Variants in BCOR observed in about 807,000 individuals in gnomAD.
BCOR encodes the protein BCL-6 corepressor.
A neutral mutation model predicts 86.7 loss-of-function variants in BCOR; 10 were observed. The ratio of observed to expected loss-of-function variants is 0.12; its 90% CI spans 0.07 to 0.20. BCOR has a LOEUF of 0.20. Ranked by LOEUF, BCOR falls within the 10% of genes least tolerant of loss-of-function variation. The pLI, the probability that BCOR is intolerant of heterozygous loss-of-function variation, is 1.00. For synonymous variants in BCOR, 611 were observed against 609.0 expected, an observed-to-expected ratio of 1.00 and a Z score of -0.05; for missense variants, 1,259 against 1,452.1, an observed-to-expected ratio of 0.87 and a Z score of 2.16.
intron 1 of BCOR, among the ~76,000 whole-genome samples, chrX:40,165,231 G>A (rs766045678): frequency 9.8e-5 from 11 of 111,812 alleles, no homozygotes; most frequent in Non-Finnish European, 1.7e-4. Context: ...GGGAGCTACT[G>A]AGCAGACCAG....
intron 1 of BCOR, among the ~76,000 whole-genome samples, chrX:40,143,077 T>C (rs1191902659): frequency 1.8e-5 from 2 of 112,353 alleles, no homozygotes; most frequent in African/African-American, 3.2e-5. Context: ...GAGGAGGTTG[T>C]CCATTCTCAG....
At chrX:40,176,484 C>T (rs1453469374) in intron 1 of BCOR, among the ~76,000 whole-genome samples, 8 of 112,530 alleles carry the variant, frequency 7.1e-5, no homozygotes, top group Non-Finnish European at 1.3e-4. Flanking sequence ...AAAACAAGGC[C>T]GGCGACTACA....
intron 1 of BCOR, among the ~76,000 whole-genome samples, chrX:40,169,617 CAA>C (rs1938577184): frequency 9.1e-6 from 1 of 110,492 alleles, no homozygotes; most frequent in South Asian, 3.9e-4. Flanking sequence ...TAAAAAAAAA[CAA>C]AAACAAAAAC....
At chrX:40,164,785 C>A (rs749913119) in intron 1 of BCOR, among the ~76,000 whole-genome samples, 2 of 112,639 alleles carry the variant, frequency 1.8e-5, no homozygotes, top group Admixed American at 1.9e-4. Context: ...TAGCTTACTT[C>A]ATTTTCTTCC....
chrX:40,168,361 G>C (rs1485592649), intron 1 of BCOR, among the ~76,000 whole-genome samples: 4 of 112,748 alleles, frequency 3.5e-5, no homozygotes, highest in African/African-American at 1.3e-4. Flanking sequence ...TTTGTCTCTT[G>C]CCTCTGCCGG....
intron 1 of BCOR, among the ~76,000 whole-genome samples, chrX:40,170,091 A>G (rs35036498): frequency 5.6e-4 from 62 of 111,365 alleles, no homozygotes; most frequent in Non-Finnish European, 9.3e-4. Flanking sequence ...AGTTTTAACA[A>G]CTCCAGGCCT....
chrX:40,149,304 T>A (rs1223544484), intron 1 of BCOR, among the ~76,000 whole-genome samples: 3 of 111,340 alleles, frequency 2.7e-5, no homozygotes, highest in African/African-American at 9.8e-5. Flanking sequence ...CACATCCTCT[T>A]GTGCATGGAT....
rs771844232 is a variant in BCOR at position 40,054,030 on chromosome X, T to C, written c.4832A>G (p.Glu1611Gly). ...GTTGGCTAAAACATCATAGCCACTT[T>C]CATCATCTGGTTCTAATGGAGGGCA... ...YGSSVCEPDD[E>G]SGYDVLANPP... Residue 1611 changes from glutamate (E) to glycine (G), a missense_variant, in exon 14 of 15, where the codon GAA becomes GGA. Glu to Gly is a moderately conservative substitution (Grantham distance 98). Transcript: ENST00000378444. The C allele has an allele frequency of 2.5e-6, 3 of 1,211,459 alleles. No individual in the cohort carries two copies. The Admixed American group carries it at 6.5e-5, about 26-fold the overall frequency.
intron 8 of BCOR, 55 bp from the exon 9 acceptor site, chrX:40,063,126 C>A: frequency 2.2e-6 from 2 of 927,955 alleles, no homozygotes. Flanking sequence ...GGAGAAGAAG[C>A]GGGCGTTACA....
chrX:40,071,673 C>T lies in BCOR; in HGVS notation c.3015G>A (p.Glu1005=). The T allele has an allele frequency of 8.4e-7, 1 of 1,190,523 alleles. No individual in the cohort carries two copies. The highest frequency in any genetic ancestry group is 1.1e-6 in the Non-Finnish European group (1 of 876,749). ...QRALQMEGLQ[E]DSILCLPAAY... ...CAGCGGGTAGACATAAAATACTGTC[C>T]TCTTGTAATCCTTCCATCTATGTAA... is the stretch of plus-strand genomic sequence containing the variant. The change falls in exon 5 of 15, where the codon GAG becomes GAA. Residue 1005 remains glutamate, a synonymous_variant. Coordinates refer to ENST00000378444, the MANE Select transcript of BCOR (RefSeq NM_001123385.2).
rs1602151728 is a variant in BCOR, at chrX:40,073,623, T to C, written c.1723A>G (p.Asn575Asp). 1 of 1,212,062 alleles carries C rather than the reference T, an allele frequency of 8.3e-7. No individual in the cohort carries two copies. Residue 575 changes from asparagine to aspartate, a missense_variant, in exon 4 of 15, where the codon AAT becomes GAT. Coordinates refer to ENST00000378444, the MANE Select transcript of BCOR (RefSeq NM_001123385.2). ...GRPASASPAPNANADGTKTSR... is the reference protein window; with the variant it reads ...GRPASASPAPDANADGTKTSR... Reference sequence around the variant, plus strand: ...GTTTTGGTGCCATCTGCATTGGCATTGGGGGCGGGTGATGCGGAGGCTGGG... The same window carrying C: ...GTTTTGGTGCCATCTGCATTGGCATCGGGGGCGGGTGATGCGGAGGCTGGG...
Position 40,078,959 on chromosome X carries a change from T to C in BCOR, c.-40-990A>G, listed in dbSNP as rs185707469. Among the ~76,000 whole-genome samples the C allele has an allele frequency of 2.7e-5, 3 of 111,646 alleles. No homozygotes were observed. The Admixed American group carries it at 2.8e-4, about 11-fold the overall frequency. ...CGTGATTTATCCTCGTGCAGGATTT[T>C]AATTGCTCTTTGGAGGTTGAGCCGT... On this transcript the variant is annotated intron_variant, in intron 1 of 14. Coordinates refer to ENST00000378444, the MANE Select transcript of BCOR (RefSeq NM_001123385.2).
At chrX:40,105,476 C>T (rs1216846661) in intron 1 of BCOR, among the ~76,000 whole-genome samples, 1 of 112,444 alleles carries the variant, frequency 8.9e-6, no homozygotes, top group East Asian at 2.8e-4. Context: ...CACCCGGGCC[C>T]TGCGGTATCC....
chrX:40,102,402 G>A (rs1937088892), upstream of BCOR, among the ~76,000 whole-genome samples: 1 of 113,586 alleles, frequency 8.8e-6, no homozygotes, highest in African/African-American at 3.2e-5. Context: ...CATAATACAG[G>A]AGGCTTCTGG....
At chrX:40,126,533 A>AAAAAG (rs1199340209) in intron 1 of BCOR, among the ~76,000 whole-genome samples, 3 of 109,524 alleles carry the variant, frequency 2.7e-5, no homozygotes, top group Admixed American at 9.7e-5. Context: ...AAAAAAAAAA[A>AAAAAG]AAAAGAAAAG....
At chrX:40,159,392 G>C (rs1311305020) in intron 1 of BCOR, among the ~76,000 whole-genome samples, 1 of 113,089 alleles carries the variant, frequency 8.8e-6, no homozygotes, top group Admixed American at 9.3e-5. Flanking sequence ...TGTCGTCCAG[G>C]TTGGAGTGCA....
At chrX:40,125,548 C>G (rs780127057) in intron 1 of BCOR, among the ~76,000 whole-genome samples, 4 of 111,347 alleles carry the variant, frequency 3.6e-5, no homozygotes, top group Admixed American at 1.9e-4. Flanking sequence ...TCAGTCTCTT[C>G]TAATCACTAC....
intron 3 of BCOR, 115 bp from the exon 4 acceptor site, chrX:40,075,295 T>A (rs1165917181): frequency 1.0e-5 from 6 of 572,578 alleles, no homozygotes; most frequent in African/African-American, 7.3e-5. Context: ...GCACAAAGGG[T>A]TAAAGACAGG....
At chrX:40,087,276 A>C (rs776930800) in intron 1 of BCOR, among the ~76,000 whole-genome samples, 1 of 112,945 alleles carries the variant, frequency 8.9e-6, no homozygotes, top group Non-Finnish European at 1.9e-5. Context: ...ACTGATCAAA[A>C]TGTCTCCTTT....
Sources: gnomAD v4.1 joint callset for allele counts (sites outside exome capture counted in the v4.1 genomes callset) on GRCh38, gnomAD v4.1.1 for gene constraint, MANE v1.5 for transcripts, NCBI Gene and HGNC (gene_info 2026-07-23, HGNC 2026-07-21) for gene names.